Variants in SLC1A4 observed in about 807,000 individuals in gnomAD.
SLC1A4 encodes solute carrier family 1 member 4.
Under a neutral mutation model 37.7 loss-of-function variants are expected in SLC1A4, and 19 were observed. The ratio of observed to expected loss-of-function variants is 0.50; its 90% confidence interval spans 0.35 to 0.74. The LOEUF is 0.74. SLC1A4 is among the 30% of genes least tolerant of loss of function. The pLI is 0.01. For synonymous variants in SLC1A4, 299 were observed against 309.8 expected, an observed-to-expected ratio of 0.97 and a Z score of 0.37; for missense variants, 570 against 712.9, an observed-to-expected ratio of 0.80 and a Z score of 2.28.
At chr2:65,008,626 G>A (rs1029810055) in intron 3 of SLC1A4, among the ~76,000 whole-genome samples, 1 of 152,034 alleles carries the variant, frequency 6.6e-6, no homozygotes, top group Non-Finnish European at 1.5e-5. Context: ...GGATGACAGG[G>A]TATAACCCTG....
chr2:64,994,490 G>A (rs1572942726), intron 1 of SLC1A4, among the ~76,000 whole-genome samples: 1 of 152,358 alleles, frequency 6.6e-6, no homozygotes, highest in African/African-American at 2.4e-5. Flanking sequence ...GTGTGGCCAT[G>A]TATATGGTAA....
chr2:65,013,930 A>G (rs1674022820), intron 4 of SLC1A4, among the ~76,000 whole-genome samples: 1 of 152,212 alleles, frequency 6.6e-6, no homozygotes, highest in Non-Finnish European at 1.5e-5. Flanking sequence ...CCTATTCACA[A>G]TTTGTAAATG....
intron 1 of SLC1A4, among the ~76,000 whole-genome samples, chr2:64,991,896 T>G (rs2007061): frequency 6.6e-6 from 1 of 152,068 alleles, no homozygotes; most frequent in Non-Finnish European, 1.5e-5. Context: ...CCACCCTGCC[T>G]GGCCCCAGCT....
chr2:65,002,664 G>A (rs867024668), intron 2 of SLC1A4, among the ~76,000 whole-genome samples: 21 of 136,676 alleles, frequency 1.5e-4, no homozygotes, highest in Middle Eastern at 4.3e-3. Context: ...TGCCAGCTCC[G>A]CCTCCCAGGT....
chr2:65,019,716 C>T (rs13392255), intron 7 of SLC1A4, among the ~76,000 whole-genome samples: 220 of 152,316 alleles, frequency 1.4e-3, no homozygotes, highest in African/African-American at 3.2e-3. Flanking sequence ...GAGGGAACTC[C>T]GTCCCTGAGC....
At chr2:65,012,159 G>C (rs1008217536) in intron 4 of SLC1A4, among the ~76,000 whole-genome samples, 1 of 150,088 alleles carries the variant, frequency 6.7e-6, no homozygotes, top group African/African-American at 2.5e-5. Context: ...GTGCAATCTC[G>C]GCTCACTGCA....
At chr2:64,990,257 T>G (rs114532511) in intron 1 of SLC1A4, 87 bp downstream of exon 1, 27,473 of 1,206,718 alleles carry the variant, frequency 0.023, 421 homozygotes, top group Non-Finnish European at 0.026. Flanking sequence ...GCTTATACAC[T>G]CCTAAGAGTT....
intron 7 of SLC1A4, among the ~76,000 whole-genome samples, chr2:65,019,011 T>C (rs1364517910): frequency 6.6e-6 from 1 of 152,090 alleles, no homozygotes; most frequent in Non-Finnish European, 1.5e-5. Flanking sequence ...ATAGGAGTAA[T>C]AAGTCGATGG....
chr2:65,021,060 G>C lies in SLC1A4; in HGVS notation c.1513G>C (p.Glu505Gln). Residue 505 changes from glutamate (E) to glutamine (Q), a missense_variant, in exon 8 of 8, where the codon GAG becomes CAG. Glu to Gln is a conservative substitution (Grantham distance 29). Transcript: ENST00000234256. ...CATCCCCAACTGCAAGTCTGAGGAG[G>C]AGACATCGCCCCTGGTGACACACCA... ...EAIPNCKSEE[E>Q]TSPLVTHQNP... 6.2e-7 allele frequency: 1 copy of C among 1,614,238 alleles called. No individual in the cohort carries two copies. Among genetic ancestry groups the C allele is most frequent in the Non-Finnish European group, 8.5e-7 (1 of 1,180,034 alleles).
intron 2 of SLC1A4, among the ~76,000 whole-genome samples, chr2:65,002,383 C>T (rs1345136844): frequency 4.6e-5 from 7 of 151,152 alleles, no homozygotes; most frequent in Non-Finnish European, 1.0e-4. Flanking sequence ...TTTTTTAAGG[C>T]AGTATATTGT....
At chr2:65,011,010 C>A (rs1206280494) in intron 4 of SLC1A4, among the ~76,000 whole-genome samples, 1 of 152,226 alleles carries the variant, frequency 6.6e-6, no homozygotes, top group Non-Finnish European at 1.5e-5. Flanking sequence ...TCCACACTGA[C>A]CCCTTGGTGT....
At chr2:65,001,334 C>G (rs1395045326) in intron 1 of SLC1A4, 114 bp from the exon 2 acceptor site, 3 of 931,056 alleles carry the variant, frequency 3.2e-6, no homozygotes, top group Non-Finnish European at 5.1e-6. Context: ...CCCAAAAGTT[C>G]AAGGCTGCAG....
Position 64,989,547 on chromosome 2 carries a change from G to T in SLC1A4, c.-97G>T. On this transcript the variant is annotated 5_prime_UTR_variant, in exon 1 of 8. Transcript: ENST00000234256. ...CCGGGGCGGCTTCCCAGAACCTGCG[G>T]AGCACAACTGGCCGACCGACCCATT... 2.5e-6 allele frequency: 3 copies of T among 1,184,452 alleles called. No individual in the cohort carries two copies. Among genetic ancestry groups the T allele is most frequent in the Non-Finnish European group, 3.3e-6 (3 of 908,448 alleles). The allele number at this position is 1,184,452 out of a possible 1,614,324, so 73.4% of individuals were successfully genotyped here.
chr2:64,998,943 G>C (rs756008938), intron 1 of SLC1A4, among the ~76,000 whole-genome samples: 10 of 152,170 alleles, frequency 6.6e-5, no homozygotes, highest in Admixed American at 1.3e-4. Flanking sequence ...GAGAAACTTA[G>C]AGCAGCTCAG....
intron 3 of SLC1A4, among the ~76,000 whole-genome samples, chr2:65,009,489 G>A (rs1034235411): frequency 6.6e-6 from 1 of 152,180 alleles, no homozygotes; most frequent in African/African-American, 2.4e-5. Flanking sequence ...ATGGCTTTTG[G>A]TACATTTCAT....
chr2:65,017,443 T>G (rs1674192169), intron 5 of SLC1A4, among the ~76,000 whole-genome samples: 1 of 151,748 alleles, frequency 6.6e-6, no homozygotes, highest in Admixed American at 6.6e-5. Flanking sequence ...TTGCCTCTAC[T>G]GCTCACTTCC....
intron 3 of SLC1A4, among the ~76,000 whole-genome samples, chr2:65,005,731 C>T (rs767262502): frequency 7.9e-5 from 12 of 152,238 alleles, no homozygotes; most frequent in Admixed American, 1.3e-4. Context: ...CAGTGGCTTA[C>T]GCCTATAATC....
At chr2:65,017,311 C>T (rs918849024) in intron 5 of SLC1A4, among the ~76,000 whole-genome samples, 3 of 150,236 alleles carry the variant, frequency 2.0e-5, no homozygotes, top group Non-Finnish European at 4.4e-5. Flanking sequence ...TCTCATTTGG[C>T]ACAAGAGATG....
intron 5 of SLC1A4, 107 bp downstream of exon 5, chr2:65,016,780 G>T (rs1572969066): frequency 1.3e-6 from 1 of 752,764 alleles, no homozygotes; most frequent in East Asian, 2.5e-5. Flanking sequence ...TTAATTCCTG[G>T]AAAACTCTAA....
Sources: allele counts gnomAD v4.1 joint callset (sites outside exome capture counted in the v4.1 genomes callset), GRCh38; gene constraint gnomAD v4.1.1; transcripts MANE v1.5; gene names NCBI Gene and HGNC (gene_info 2026-07-23, HGNC 2026-07-21).